KCTD20: variants seen among roughly 807,000 people sequenced by gnomAD.
The protein encoded by KCTD20 is BTB/POZ domain-containing protein KCTD20.
Under a neutral mutation model 39.6 loss-of-function variants are expected in KCTD20, and 30 were observed. The ratio of observed to expected loss-of-function variants is 0.76; its 90% CI spans 0.57 to 1.03. KCTD20 has a LOEUF of 1.03. Ranked by LOEUF, KCTD20 falls within the 50% of genes least tolerant of loss-of-function variation. The probability of loss-of-function intolerance (pLI) is 0.00; values close to 1 mark genes in which losing one functional copy is unlikely to be tolerated. For synonymous variants in KCTD20, 162 were observed against 180.6 expected (o/e 0.90, Z 0.83); for missense variants, 422 against 522.0 (o/e 0.81, Z 1.87).
chr6:36,448,005 A>ATGTGTGTGTGTG (rs771457738), intron 1 of KCTD20, among the ~76,000 whole-genome samples: 1 of 130,296 alleles, frequency 7.7e-6, no homozygotes, highest in African/African-American at 3.2e-5. Flanking sequence ...ATATATGTGT[A>ATGTGTGTGTGTG]TGTGTGTGTG....
chr6:36,452,541 C>CTTTTTTT (rs57480327), intron 1 of KCTD20: 23 of 126,918 alleles, frequency 1.8e-4, no homozygotes, highest in Non-Finnish European at 3.3e-4. Flanking sequence ...TCTTCATTTT[C>CTTTTTTT]TTTTTTTTTT....
At chr6:36,474,056 ATT>A (rs1006070707) in intron 2 of KCTD20, among the ~76,000 whole-genome samples, 1 of 152,036 alleles carries the variant, frequency 6.6e-6, no homozygotes, top group Non-Finnish European at 1.5e-5. Context: ...GAAAAATAAA[ATT>A]TTGTTTTGTT....
chr6:36,480,941 C>A (rs1776226177), intron 5 of KCTD20, among the ~76,000 whole-genome samples: 1 of 152,200 alleles, frequency 6.6e-6, no homozygotes, highest in Non-Finnish European at 1.5e-5. Context: ...GTGATAACCT[C>A]ATTTAAGAAA....
intron 1 of KCTD20, among the ~76,000 whole-genome samples, chr6:36,444,213 G>C (rs948881618): frequency 3.9e-5 from 6 of 152,132 alleles, no homozygotes; most frequent in African/African-American, 1.2e-4. Context: ...TGTTACTGAT[G>C]ATCCAGGGAC....
chr6:36,452,652 C>T (rs1409575664), intron 1 of KCTD20: 1 of 151,738 alleles, frequency 6.6e-6, no homozygotes, highest in Non-Finnish European at 1.5e-5. Context: ...ATTCTACTGC[C>T]CCAGCCTCCT....
At chr6:36,485,488 C>CTTTTTTT (rs34990483) in intron 7 of KCTD20, among the ~76,000 whole-genome samples, 17 of 97,112 alleles carry the variant, frequency 1.8e-4, no homozygotes, top group Admixed American at 2.5e-4. Flanking sequence ...TGGAGTGGAT[C>CTTTTTTT]TTTTTTTTTT....
At position 36,488,888 on chromosome 6, in the gene KCTD20, G is replaced by C. The variant is rs1035555113; in HGVS notation, c.*1713G>C. On this transcript the variant is annotated 3_prime_UTR_variant, in exon 8 of 8. Coordinates refer to ENST00000373731, the MANE Select transcript of KCTD20 (RefSeq NM_173562.5). ...ATGCTCTGTTCTTCACTAGAATGTA[G>C]TAAGTGGTTAAACTGAGCTATCCCC... 2.6e-5 allele frequency: 4 copies of C among 152,686 alleles called. No individual in the cohort carries two copies. Among genetic ancestry groups the C allele is most frequent in the Non-Finnish European group, 5.9e-5 (4 of 68,046 alleles). The allele number at this position is 152,686 out of a possible 1,614,324, so 9.5% of individuals were successfully genotyped here. A position where few individuals can be genotyped will look rare whatever the true frequency, so the allele number is the denominator to read the frequency against.
chr6:36,448,395 G>T (rs566251745), intron 1 of KCTD20, among the ~76,000 whole-genome samples: 3 of 152,228 alleles, frequency 2.0e-5, no homozygotes, highest in Admixed American at 2.0e-4. Flanking sequence ...GAATAAAACA[G>T]GTAGTAACTT....
At chr6:36,449,145 A>G (rs563448672) in intron 1 of KCTD20, among the ~76,000 whole-genome samples, 1 of 152,316 alleles carries the variant, frequency 6.6e-6, no homozygotes, top group Admixed American at 6.5e-5. Flanking sequence ...CTGCTGGCTC[A>G]GGTGGCCAGC....
intron 1 of KCTD20, among the ~76,000 whole-genome samples, chr6:36,446,386 T>G (rs1312746419): frequency 6.6e-6 from 1 of 152,178 alleles, no homozygotes; most frequent in African/African-American, 2.4e-5. Context: ...CTTTGGTGAT[T>G]TTTAAAATAT....
At chr6:36,449,125 C>G (rs1034369095) in intron 1 of KCTD20, among the ~76,000 whole-genome samples, 1 of 152,156 alleles carries the variant, frequency 6.6e-6, no homozygotes, top group Non-Finnish European at 1.5e-5. Flanking sequence ...GGGTTCTGAG[C>G]GGGCTGCTGC....
chr6:36,480,979 A>T (rs1308510146), intron 5 of KCTD20, among the ~76,000 whole-genome samples: 1 of 152,226 alleles, frequency 6.6e-6, no homozygotes, highest in Non-Finnish European at 1.5e-5. Flanking sequence ...CTAGGCATTA[A>T]GGCCAGGATG....
Position 36,466,011 on chromosome 6 carries a change from T to C in KCTD20, c.-46-4041T>C, listed in dbSNP as rs149182709. 2.3e-4 allele frequency among the ~76,000 whole-genome samples: 35 copies of C among 152,254 alleles called. No homozygotes were observed. In the East Asian group the frequency reaches 5.8e-3, roughly 25 times the overall value. On this transcript the variant is annotated intron_variant, in intron 1 of 7. Coordinates refer to ENST00000373731, the MANE Select transcript of KCTD20 (RefSeq NM_173562.5). ...CATTGCTGTGACCTTCAGAGTTGTG[T>C]TGACCAAAAAATAGTTTTGCAGCAA... is the stretch of plus-strand genomic sequence containing the variant.
rs1017107840 is a variant in KCTD20 at position 36,488,351 on chromosome 6, A to G, written c.*1176A>G. ...TAAGCCCAGTCATTTTATTTGATCT[A>G]TTAGCTCTGTTATCAGTGCATGATC... On this transcript the variant is annotated 3_prime_UTR_variant, in exon 8 of 8. Transcript: ENST00000373731. The G allele has an allele frequency of 6.6e-6, 1 of 152,184 alleles. No homozygotes were observed. The highest frequency in any genetic ancestry group is 2.1e-4 in the South Asian group (1 of 4,832). 9.4% of individuals were successfully genotyped at this position (152,184 alleles called of 1,614,324 possible). A position where few individuals can be genotyped will look rare whatever the true frequency, so the allele number is the denominator to read the frequency against.
Position 36,488,376 on chromosome 6 carries a change from C to T in KCTD20, c.*1201C>T, listed in dbSNP as rs1323441622. 4 of 152,178 alleles carry T rather than the reference C, an allele frequency of 2.6e-5. No homozygotes were observed. Among genetic ancestry groups the T allele is most frequent in the Non-Finnish European group, 5.9e-5 (4 of 68,034 alleles). The allele number at this position is 152,178 out of a possible 1,614,324, so 9.4% of individuals were successfully genotyped here. Reference sequence around the variant, plus strand: ...ATTAGCTCTGTTATCAGTGCATGATCACCCAGATCACCCTCCTCAGCCCAC... The same window carrying T: ...ATTAGCTCTGTTATCAGTGCATGATTACCCAGATCACCCTCCTCAGCCCAC... On this transcript the variant is annotated 3_prime_UTR_variant, in exon 8 of 8. Transcript: ENST00000373731.
At chr6:36,471,246 CT>C (rs1291980047) in intron 2 of KCTD20, among the ~76,000 whole-genome samples, 1 of 151,976 alleles carries the variant, frequency 6.6e-6, no homozygotes, top group Non-Finnish European at 1.5e-5. Context: ...TTCTTTTTAA[CT>C]TTTAATTAAA....
chr6:36,483,403 G>A lies in KCTD20; in HGVS notation c.857-1311G>A, dbSNP rs116678370. 6.7e-3 allele frequency among the ~76,000 whole-genome samples: 1,012 copies of A among 151,682 alleles called. 5 individuals are homozygous for A. Among genetic ancestry groups the A allele is most frequent in the African/African-American group, 0.019 (790 of 41,342 alleles). On this transcript the variant is annotated intron_variant, in intron 6 of 7. Coordinates refer to ENST00000373731, the MANE Select transcript of KCTD20 (RefSeq NM_173562.5). ...AATTTTTGTATTATTAATAGAAACG[G>A]GGTTTCACCATGTTGGCCAGGCTGG... is the stretch of plus-strand genomic sequence containing the variant.
intron 4 of KCTD20, 126 bp from the exon 5 acceptor site, chr6:36,479,465 A>G: frequency 1.1e-6 from 1 of 896,766 alleles, no homozygotes; most frequent in Non-Finnish European, 1.7e-6. Context: ...CCATCTAATG[A>G]ATCATCCAAT....
At chr6:36,448,015 G>GTGTATGTATATATATA (rs559687288) in intron 1 of KCTD20, among the ~76,000 whole-genome samples, 15 of 128,924 alleles carry the variant, frequency 1.2e-4, no homozygotes, top group African/African-American at 4.5e-4. Flanking sequence ...ATGTGTGTGT[G>GTGTATGTATATATATA]TATATATATA....
Sources: gnomAD v4.1 joint callset for allele counts (sites outside exome capture counted in the v4.1 genomes callset) on GRCh38, gnomAD v4.1.1 for gene constraint, MANE v1.5 for transcripts, NCBI Gene and HGNC (gene_info 2026-07-23, HGNC 2026-07-21) for gene names.